The following KIAA0586 variants were observed in gnomAD, a reference collection of about 807,000 sequenced individuals.
KIAA0586 encodes KIAA0586.
A neutral mutation model predicts 169.8 loss-of-function variants in KIAA0586; 144 were observed. That is an observed-to-expected ratio of 0.85 (90% CI 0.74 to 0.97). KIAA0586 has a LOEUF of 0.97. KIAA0586 is among the 50% of genes least tolerant of loss of function. The pLI is 0.00. For missense variants in KIAA0586, 1,854 were observed against 1,823.0 expected (o/e 1.02, Z -0.31); for synonymous variants, 625 against 612.4 (o/e 1.02, Z -0.30).
intron 29 of KIAA0586, among the ~76,000 whole-genome samples, chr14:58,514,112 G>T (rs1476755652): frequency 6.6e-6 from 1 of 152,028 alleles, no homozygotes; most frequent in Non-Finnish European, 1.5e-5. Context: ...TCTATAATTG[G>T]TACATATCTT....
At chr14:58,557,901 C>CTTTTTTTTTTTTTTTTT in the KIAA0586 span, among the ~76,000 whole-genome samples, 139 of 42,508 alleles carry the variant, frequency 3.3e-3, 39 homozygotes, top group Middle Eastern at 0.043. Context: ...CCTGAGAAAT[C>CTTTTTTTTTTTTTTTTT]TTTTTTTTTT....
intron 29 of KIAA0586, among the ~76,000 whole-genome samples, chr14:58,538,774 A>G (rs532852316): frequency 8.7e-5 from 13 of 149,760 alleles, no homozygotes; most frequent in South Asian, 2.1e-4. Context: ...GCCTATCTCC[A>G]TGAGTTCAAT....
At chr14:58,519,612 G>C (rs2045040876) in intron 29 of KIAA0586, among the ~76,000 whole-genome samples, 1 of 152,152 alleles carries the variant, frequency 6.6e-6, no homozygotes, top group Non-Finnish European at 1.5e-5. Context: ...ACAGCTTGTT[G>C]ATAAGAGCTG....
Position 58,547,878 on chromosome 14 carries a change from G to C in KIAA0586, c.4593G>C (p.Leu1531=). ...ACCTCGAGGACTGCTCTCAGTCTCT[G>C]AGTCTCAGCACAATGCAGGAGGACA... ...SVNLEDCSQS[L]SLSTMQEDME... Residue 1531 remains leucine, a synonymous_variant, in exon 31 of 31, where the codon CTG becomes CTC. Coordinates refer to ENST00000652326, the MANE Select transcript of KIAA0586 (RefSeq NM_001329943.3). 3 of 1,613,700 alleles carry C rather than the reference G, an allele frequency of 1.9e-6. No homozygotes were observed. Among genetic ancestry groups the C allele is most frequent in the Non-Finnish European group, 2.5e-6 (3 of 1,179,682 alleles).
In KIAA0586 at chr14:58,428,358, C is replaced by T. The variant is rs948897531; in HGVS notation, c.94C>T (p.His32Tyr). Residue 32 changes from histidine to tyrosine, a missense_variant, in exon 1 of 31, where the codon CAT becomes TAT. By Grantham distance (83) the His-to-Tyr change is moderately conservative. Transcript: ENST00000652326. ...GGTAGTTTCTCAAAATCATGGAGAT[C>T]ATTTGGTTTTGCTGAAAGATGAGTT... ...REVVSQNHGD[H>Y]LVLLKDELPC... 6.2e-7 allele frequency: 1 copy of T among 1,613,596 alleles called. No homozygotes were observed. Among genetic ancestry groups the T allele is most frequent in the East Asian group, 2.2e-5 (1 of 44,884 alleles).
chr14:58,494,369 G>A (rs1180175619), intron 26 of KIAA0586, among the ~76,000 whole-genome samples: 2 of 140,054 alleles, frequency 1.4e-5, no homozygotes, highest in South Asian at 2.3e-4. Flanking sequence ...TTTTCTTATC[G>A]CCTACTCTGT....
At chr14:58,437,454 T>G (rs559819367) in intron 4 of KIAA0586, among the ~76,000 whole-genome samples, 15 of 152,208 alleles carry the variant, frequency 9.9e-5, no homozygotes, top group African/African-American at 3.4e-4. Flanking sequence ...CTCATGCCTA[T>G]AATCTCAGCA....
intron 14 of KIAA0586, among the ~76,000 whole-genome samples, chr14:58,463,309 A>G (rs549109805): frequency 6.6e-6 from 1 of 152,014 alleles, no homozygotes; most frequent in Non-Finnish European, 1.5e-5. Context: ...TTTATTATTT[A>G]TTTGTCACTA....
Position 58,429,440 on chromosome 14 carries a change from A to C in KIAA0586, c.270+7A>C. ...TCCCATGGTGTCAGAAAGTGTAAGC[A>C]AAAGGATTCTTAATTATGCTCACGT... On this transcript the variant is annotated splice_region_variant and intron_variant, in intron 2 of 30. Coordinates refer to ENST00000652326, the MANE Select transcript of KIAA0586 (RefSeq NM_001329943.3). 1 of 1,512,468 alleles carries C rather than the reference A, an allele frequency of 6.6e-7. No individual in the cohort carries two copies. Among genetic ancestry groups the C allele is most frequent in the East Asian group, 2.3e-5 (1 of 44,312 alleles). 93.7% of individuals were successfully genotyped at this position (1,512,468 alleles called of 1,614,324 possible).
chr14:58,471,922 T>G (rs1047519891), intron 17 of KIAA0586, among the ~76,000 whole-genome samples: 1 of 152,196 alleles, frequency 6.6e-6, no homozygotes, highest in Non-Finnish European at 1.5e-5. Flanking sequence ...AAGTCTCAAT[T>G]ATATCAACCT....
chr14:58,513,579 C>CT (rs796280532), intron 29 of KIAA0586, among the ~76,000 whole-genome samples: 15 of 144,192 alleles, frequency 1.0e-4, no homozygotes, highest in South Asian at 2.2e-4. Context: ...CCTCCTGACC[C>CT]TTTTTTTTTT....
At position 58,499,975 on chromosome 14, in the gene KIAA0586, A is replaced by G. The variant is rs536207145; in HGVS notation, c.4168+1015A>G. ...ACTGTAGACATTTATTCTTTATGCT[A>G]TATGAATTTCAGTAGCACTCTGCAT... On this transcript the variant is annotated intron_variant, in intron 27 of 30. Coordinates refer to ENST00000652326, the MANE Select transcript of KIAA0586 (RefSeq NM_001329943.3). Among the ~76,000 whole-genome samples the G allele has an allele frequency of 4.8e-4, 73 of 152,372 alleles. 2 individuals are homozygous for G. The highest frequency in any genetic ancestry group is 4.0e-3 in the Admixed American group (61 of 15,306).
chr14:58,523,461 T>C (rs921247249), intron 29 of KIAA0586, among the ~76,000 whole-genome samples: 3 of 152,126 alleles, frequency 2.0e-5, no homozygotes, highest in Admixed American at 6.5e-5. Context: ...GTTTTTATTA[T>C]GATTTTTAAA....
At chr14:58,537,682 C>G (rs571221752) in intron 29 of KIAA0586, among the ~76,000 whole-genome samples, 1 of 152,098 alleles carries the variant, frequency 6.6e-6, no homozygotes, top group African/African-American at 2.4e-5. Flanking sequence ...GAGACTCGCT[C>G]TGTCACCCAC....
chr14:58,555,871 G>C (rs2140176211), downstream of KIAA0586, among the ~76,000 whole-genome samples: 1 of 152,284 alleles, frequency 6.6e-6, no homozygotes, highest in African/African-American at 2.4e-5. Context: ...AGTGGGGATA[G>C]ATGTCAATTT....
intron 16 of KIAA0586, among the ~76,000 whole-genome samples, chr14:58,469,690 A>G (rs1462867981): frequency 1.3e-5 from 2 of 152,204 alleles, no homozygotes. Flanking sequence ...AAATATAAAG[A>G]TCTCTATAAA....
chr14:58,438,221 A>G (rs1595089439), intron 4 of KIAA0586, among the ~76,000 whole-genome samples: 1 of 152,070 alleles, frequency 6.6e-6, no homozygotes, highest in East Asian at 1.9e-4. Context: ...TTTGACATTT[A>G]TATGTCGTAG....
Position 58,475,799 on chromosome 14 carries a change from T to G in KIAA0586, c.2825+1002T>G, listed in dbSNP as rs933316074. On this transcript the variant is annotated intron_variant, in intron 19 of 30. Transcript: ENST00000652326. ...CAATGTAACCCCAGTTTACAAGATC[T>G]TACTCAAAAGTAAGTAGGCAGCTAG... Among the ~76,000 whole-genome samples, 5 of 152,172 alleles carry G rather than the reference T, an allele frequency of 3.3e-5. No homozygotes were observed. The East Asian group carries it at 9.6e-4, about 29-fold the overall frequency.
chr14:58,500,850 A>G (rs2043520666), intron 27 of KIAA0586, among the ~76,000 whole-genome samples: 1 of 152,158 alleles, frequency 6.6e-6, no homozygotes, highest in African/African-American at 2.4e-5. Flanking sequence ...TGAAAAGGTC[A>G]CTTGTTTACA....
Sources: allele counts gnomAD v4.1 joint callset (sites outside exome capture counted in the v4.1 genomes callset), GRCh38; gene constraint gnomAD v4.1.1; transcripts MANE v1.5; gene names NCBI Gene and HGNC (gene_info 2026-07-23, HGNC 2026-07-21).